MEAF6: variants seen among roughly 807,000 people sequenced by gnomAD.
MEAF6 encodes the protein chromatin modification-related protein MEAF6.
Under a neutral mutation model 28.9 loss-of-function variants are expected in MEAF6, and 15 were observed. That is an observed-to-expected ratio of 0.52 (90% CI 0.35 to 0.80). The LOEUF is 0.80. Ranked by LOEUF, MEAF6 falls within the 30% of genes least tolerant of loss-of-function variation. The pLI is 0.01. For missense variants in MEAF6, 178 were observed against 237.5 expected, an observed-to-expected ratio of 0.75 and a Z score of 1.65; for synonymous variants, 97 against 88.7, an observed-to-expected ratio of 1.09 and a Z score of -0.53.
In MEAF6 at chr1:37,492,302, A is replaced by T. The variant is rs928126000; in HGVS notation, c.*1797T>A. ...TTCGGCCTCCCAAAGTGCTGGGATT[A>T]CAGGTGTGAGCCACCGCACCCAGCC... On this transcript the variant is annotated 3_prime_UTR_variant, in exon 7 of 7. Coordinates refer to ENST00000296214, the MANE Select transcript of MEAF6 (RefSeq NM_001270875.3). Among the ~76,000 whole-genome samples, 1 of 152,016 alleles carries T rather than the reference A, an allele frequency of 6.6e-6. No homozygotes were observed. The highest frequency in any genetic ancestry group is 1.5e-5 in the Non-Finnish European group (1 of 67,998).
In MEAF6 at chr1:37,490,466, A is replaced by C. The variant is rs1404528888; in HGVS notation, c.*3633T>G. On this transcript the variant is annotated 3_prime_UTR_variant, in exon 7 of 7. Transcript: ENST00000296214. ...CTGGGAGAAGCAAATGTGTACAAAGAAGCACAATCCTGCTCTCTCCCCACA... is the reference window on the plus strand; with the variant it reads ...CTGGGAGAAGCAAATGTGTACAAAGCAGCACAATCCTGCTCTCTCCCCACA... 3.3e-5 allele frequency among the ~76,000 whole-genome samples: 5 copies of C among 152,250 alleles called. No homozygotes were observed. The highest frequency in any genetic ancestry group is 2.1e-4 in the South Asian group (1 of 4,824).
intron 1 of MEAF6, 52 bp from the exon 2 acceptor site, chr1:37,513,590 T>G: frequency 7.3e-7 from 1 of 1,377,624 alleles, no homozygotes; most frequent in Non-Finnish European, 1.0e-6. Context: ...TGCAAACACT[T>G]AAGTCTGGCC....
intron 6 of MEAF6, among the ~76,000 whole-genome samples, chr1:37,494,411 A>G (rs932871305): frequency 3.4e-5 from 5 of 146,448 alleles, no homozygotes; most frequent in Non-Finnish European, 7.4e-5. Context: ...GCTACTCAGG[A>G]GGCTGAGGTG....
chr1:37,505,999 G>A (rs545902925), intron 4 of MEAF6, among the ~76,000 whole-genome samples: 66 of 152,178 alleles, frequency 4.3e-4, no homozygotes, highest in Non-Finnish European at 8.8e-4. Context: ...CTGGCCGGGC[G>A]CAGTGGCTCA....
intron 4 of MEAF6, among the ~76,000 whole-genome samples, chr1:37,506,750 C>T (rs1481845955): frequency 6.6e-6 from 1 of 152,124 alleles, no homozygotes; most frequent in South Asian, 2.1e-4. Context: ...AGTGTCATGG[C>T]TCACTACAGC....
At chr1:37,514,539 C>G in intron 1 of MEAF6, 118 bp downstream of exon 1, 3 of 693,154 alleles carry the variant, frequency 4.3e-6, no homozygotes, top group Non-Finnish European at 6.1e-6. Context: ...CGCCGAGCAC[C>G]CGGCCCGCCG....
At chr1:37,508,945 A>C (rs1642575070) in intron 4 of MEAF6, among the ~76,000 whole-genome samples, 1 of 152,154 alleles carries the variant, frequency 6.6e-6, no homozygotes, top group Non-Finnish European at 1.5e-5. Flanking sequence ...AAAAATTTAA[A>C]AATTAGCCAG....
At chr1:37,514,446 C>A in intron 1 of MEAF6, 1 of 340,666 alleles carries the variant, frequency 2.9e-6, no homozygotes, top group Non-Finnish European at 5.3e-6. Flanking sequence ...CTCCCGCGCT[C>A]CCGGCTCTCT....
chr1:37,512,628 C>T (rs766081868), intron 2 of MEAF6, among the ~76,000 whole-genome samples: 1 of 150,536 alleles, frequency 6.6e-6, no homozygotes, highest in Non-Finnish European at 1.5e-5. Context: ...GGTGGCTCAC[C>T]CCTTTAATTC....
At chr1:37,503,256 G>A (rs780594508) in intron 4 of MEAF6, among the ~76,000 whole-genome samples, 18 of 152,192 alleles carry the variant, frequency 1.2e-4, no homozygotes, top group South Asian at 8.3e-4. Context: ...TTAAAATGCA[G>A]TAATAATCTT....
intron 1 of MEAF6, 111 bp downstream of exon 1, chr1:37,514,546 G>T: frequency 1.3e-6 from 1 of 769,558 alleles, no homozygotes; most frequent in Non-Finnish European, 1.8e-6. Context: ...CACCCGGCCC[G>T]CCGCGCCGCG....
At chr1:37,504,762 G>C (rs1390469927) in intron 4 of MEAF6, among the ~76,000 whole-genome samples, 1 of 98,784 alleles carries the variant, frequency 1.0e-5, no homozygotes, top group Non-Finnish European at 1.8e-5. Context: ...ACAAGAGCAA[G>C]ACTCCATCTC....
chr1:37,498,977 C>T (rs1428392792), intron 5 of MEAF6, among the ~76,000 whole-genome samples: 1 of 151,862 alleles, frequency 6.6e-6, no homozygotes, highest in African/African-American at 2.4e-5. Context: ...TGGCAAAACC[C>T]CATCTCTACA....
chr1:37,509,928 C>T (rs181173967), intron 2 of MEAF6, among the ~76,000 whole-genome samples: 62 of 152,196 alleles, frequency 4.1e-4, no homozygotes, highest in African/African-American at 1.4e-3. Flanking sequence ...AGGTGCCCAC[C>T]ACCATACCTG....
intron 4 of MEAF6, 30 bp downstream of exon 4, chr1:37,509,248 C>T: frequency 6.2e-7 from 1 of 1,602,426 alleles, no homozygotes; most frequent in Admixed American, 1.7e-5. Flanking sequence ...TAAAAATAAA[C>T]TGATGAGAAA....
At chr1:37,494,515 C>CAAAAA (rs35851858) in intron 6 of MEAF6, among the ~76,000 whole-genome samples, 1 of 82,246 alleles carries the variant, frequency 1.2e-5, no homozygotes, top group Non-Finnish European at 2.2e-5. Context: ...AACTCTGTTT[C>CAAAAA]AAAAAAAAAA....
rs117019261 is a variant in MEAF6, at chr1:37,496,861, A to G, written c.534-943T>C. The G allele has an allele frequency of 1.1e-4, 111 of 1,011,954 alleles. 2 individuals are homozygous for G. The East Asian group carries it at 2.4e-3, about 22-fold the overall frequency. 62.7% of individuals were successfully genotyped at this position (1,011,954 alleles called of 1,614,324 possible). On this transcript the variant is annotated intron_variant, in intron 5 of 6. Coordinates refer to ENST00000296214, the MANE Select transcript of MEAF6 (RefSeq NM_001270875.3). ...ATCAGCTTTAAGAATCTTAAGCAAC[A>G]AAGTATCAAACATCAAAGCACCAAA... is the stretch of plus-strand genomic sequence containing the variant.
At chr1:37,496,826 T>C (rs1287774613) in intron 5 of MEAF6, 1 of 1,351,092 alleles carries the variant, frequency 7.4e-7, no homozygotes, top group Non-Finnish European at 9.8e-7. Flanking sequence ...GCAAGAATTG[T>C]AGAAACAAAA....
intron 5 of MEAF6, among the ~76,000 whole-genome samples, chr1:37,497,843 C>G (rs962852149): frequency 1.3e-5 from 2 of 152,054 alleles, no homozygotes; most frequent in African/African-American, 4.8e-5. Flanking sequence ...CCATCTGCCT[C>G]GGCCCCCTAA....
Sources: gnomAD v4.1 joint callset for allele counts (sites outside exome capture counted in the v4.1 genomes callset) on GRCh38, gnomAD v4.1.1 for gene constraint, MANE v1.5 for transcripts, NCBI Gene and HGNC (gene_info 2026-07-23, HGNC 2026-07-21) for gene names.